The following ASH2L variants were observed in gnomAD, a reference collection of about 807,000 sequenced individuals.
ASH2L encodes set1/Ash2 histone methyltransferase complex subunit ASH2.
In ASH2L, 30 loss-of-function variants were observed where a neutral mutation model predicts 81.1. That is an observed-to-expected ratio of 0.37 (90% CI 0.28 to 0.50). The LOEUF (loss-of-function observed/expected upper bound fraction) is 0.50. Ranked by LOEUF, ASH2L falls within the 20% of genes least tolerant of loss-of-function variation. The pLI, the probability that ASH2L is intolerant of heterozygous loss-of-function variation, is 0.95. For missense variants in ASH2L, 559 were observed against 792.1 expected (o/e 0.71, Z 3.53); for synonymous variants, 273 against 279.9 (o/e 0.98, Z 0.24).
At chr8:38,108,917 G>A (rs1210334788) in intron 3 of ASH2L, among the ~76,000 whole-genome samples, 5 of 152,016 alleles carry the variant, frequency 3.3e-5, no homozygotes, top group Non-Finnish European at 7.4e-5. Context: ...CTGTCTCTAC[G>A]AGAAATAGAA....
intron 10 of ASH2L, 130 bp downstream of exon 10, chr8:38,121,279 C>A: frequency 1.6e-6 from 1 of 644,882 alleles, no homozygotes; most frequent in Non-Finnish European, 2.5e-6. Flanking sequence ...TGTCTAGATT[C>A]ATCCAGAATG....
At chr8:38,116,822 A>G in intron 8 of ASH2L, 97 bp downstream of exon 8, 1 of 992,286 alleles carries the variant, frequency 1.0e-6, no homozygotes, top group Admixed American at 2.6e-5. Flanking sequence ...CTTAACCTGG[A>G]TACTTACTAA....
intron 12 of ASH2L, among the ~76,000 whole-genome samples, chr8:38,130,865 C>T (rs547526199): frequency 6.6e-6 from 1 of 152,338 alleles, no homozygotes; most frequent in East Asian, 1.9e-4. Flanking sequence ...CAGGCATGAG[C>T]CACTGTGCCC....
Position 38,114,173 on chromosome 8 carries a change from A to T in ASH2L, c.586-19A>T. 7.0e-7 allele frequency: 1 copy of T among 1,421,284 alleles called. No homozygotes were observed. Among genetic ancestry groups the T allele is most frequent in the Non-Finnish European group, 9.7e-7 (1 of 1,031,402 alleles). The allele number at this position is 1,421,284 out of a possible 1,614,324, so 88.0% of individuals were successfully genotyped here. ...CTTTGATTGCAGCAGTAATAGTCTT[A>T]ATTTATTTTGAAAATTAGGATATTA... On this transcript the variant is annotated intron_variant, in intron 5 of 15. Transcript: ENST00000343823.
intron 8 of ASH2L, chr8:38,117,484 T>C (rs1810954382): frequency 1.0e-6 from 1 of 985,110 alleles, no homozygotes; most frequent in Non-Finnish European, 1.2e-6. Flanking sequence ...ATTCCTCCAC[T>C]GTCTTCTTTC....
Position 38,106,456 on chromosome 8 carries a change from T to G in ASH2L, c.255+12T>G, listed in dbSNP as rs761790865. 1.9e-6 allele frequency: 3 copies of G among 1,608,440 alleles called. No homozygotes were observed. The African/African-American group carries it at 4.0e-5, about 22-fold the overall frequency. On this transcript the variant is annotated intron_variant, in intron 2 of 15. Coordinates refer to ENST00000343823, the MANE Select transcript of ASH2L (RefSeq NM_004674.5). ...GAAAAGATACACTAGTAAGTATTTT[T>G]AGTTGTTTGCAAGACAAAATAGGGT...
intron 5 of ASH2L, among the ~76,000 whole-genome samples, chr8:38,113,129 TG>T (rs1810753852): frequency 6.6e-6 from 1 of 152,070 alleles, no homozygotes; most frequent in African/African-American, 2.4e-5. Flanking sequence ...CCACCATGCC[TG>T]GCTGATTTTT....
At chr8:38,107,289 C>A in intron 3 of ASH2L, 123 bp downstream of exon 3, 1 of 1,236,980 alleles carries the variant, frequency 8.1e-7, no homozygotes, top group Non-Finnish European at 1.2e-6. Flanking sequence ...CCCTATTCAG[C>A]AAGTAGGATG....
At chr8:38,113,203 C>T (rs1315813838) in intron 5 of ASH2L, among the ~76,000 whole-genome samples, 1 of 152,056 alleles carries the variant, frequency 6.6e-6, no homozygotes, top group Non-Finnish European at 1.5e-5. Flanking sequence ...CTTCTGACCT[C>T]AAGTGATCCA....
chr8:38,139,962 T>C lies in ASH2L; in HGVS notation c.*891T>C, dbSNP rs1371784396. On this transcript the variant is annotated 3_prime_UTR_variant, in exon 16 of 16. Coordinates refer to ENST00000343823, the MANE Select transcript of ASH2L (RefSeq NM_004674.5). ...TCTTCCCTTGGAACATGGATGTTGA[T>C]ATATGTGCGGGTGGTTTCCTGTCTT... 1 of 152,228 alleles carries C rather than the reference T, an allele frequency of 6.6e-6. No individual in the cohort carries two copies. The highest frequency in any genetic ancestry group is 1.5e-5 in the Non-Finnish European group (1 of 68,094). 9.4% of individuals were successfully genotyped at this position (152,228 alleles called of 1,614,324 possible). A position where few individuals can be genotyped will look rare whatever the true frequency, so the allele number is the denominator to read the frequency against.
chr8:38,132,551 C>T (rs1342760210), intron 12 of ASH2L, among the ~76,000 whole-genome samples: 2 of 152,194 alleles, frequency 1.3e-5, no homozygotes, highest in Admixed American at 6.5e-5. Context: ...GTAATCCCAG[C>T]ACTTTGGGAG....
chr8:38,135,733 C>T lies in ASH2L; in HGVS notation c.1686C>T (p.Tyr562=), dbSNP rs773330271. Residue 562 remains tyrosine (Y), a synonymous_variant, in exon 14 of 16, where the codon TAC becomes TAT. Transcript: ENST00000343823. ...ACAAAGATATTTTTGAGGGGGTTTACTTCCCAGCCATCTCACTGTACAAGA... is the reference window on the plus strand; with the variant it reads ...ACAAAGATATTTTTGAGGGGGTTTATTTCCCAGCCATCTCACTGTACAAGA... ...VAYKDIFEGV[Y]FPAISLYKSC... is the part of the protein sequence containing the mutation. 1.5e-5 allele frequency: 25 copies of T among 1,613,038 alleles called. No individual in the cohort carries two copies. The highest frequency in any genetic ancestry group is 2.1e-5 in the Non-Finnish European group (25 of 1,179,574).
chr8:38,116,472 G>T (rs956296578), intron 7 of ASH2L, among the ~76,000 whole-genome samples, 178 bp from the exon 8 acceptor site: 1 of 152,150 alleles, frequency 6.6e-6, no homozygotes, highest in Non-Finnish European at 1.5e-5. Context: ...GGCAGAAGTT[G>T]CAGTAAGCCG....
chr8:38,106,323 G>A, intron 1 of ASH2L, 55 bp from the exon 2 acceptor site: 2 of 1,535,808 alleles, frequency 1.3e-6, no homozygotes, highest in Non-Finnish European at 1.8e-6. Context: ...TTGGGAATAG[G>A]CATTTTGAGG....
chr8:38,109,005 C>T (rs1810572707), intron 3 of ASH2L, among the ~76,000 whole-genome samples: 1 of 151,868 alleles, frequency 6.6e-6, no homozygotes, highest in Non-Finnish European at 1.5e-5. Flanking sequence ...TTGCTTAAGC[C>T]CTGCAGGTTG....
chr8:38,116,480 C>T (rs927433091), intron 7 of ASH2L, among the ~76,000 whole-genome samples, 170 bp from the exon 8 acceptor site: 8 of 152,150 alleles, frequency 5.3e-5, no homozygotes, highest in Non-Finnish European at 1.2e-4. Context: ...TTGCAGTAAG[C>T]CGAGATCGCG....
intron 10 of ASH2L, among the ~76,000 whole-genome samples, chr8:38,127,163 A>AG (rs1585596058): frequency 1.2e-4 from 1 of 8,672 alleles, no homozygotes; most frequent in Non-Finnish European, 2.5e-4. Flanking sequence ...CCTTATCTCA[A>AG]GGAAAAAAAA....
chr8:38,117,308 C>T (rs898304076), intron 8 of ASH2L: 6 of 305,638 alleles, frequency 2.0e-5, no homozygotes, highest in South Asian at 1.3e-4. Flanking sequence ...GGAGTGGTCG[C>T]GTCTTAAATA....
At chr8:38,112,165 T>C (rs1327955902) in intron 5 of ASH2L, among the ~76,000 whole-genome samples, 1 of 152,062 alleles carries the variant, frequency 6.6e-6, no homozygotes, top group Admixed American at 6.6e-5. Flanking sequence ...TGCTACCACA[T>C]CCAGCTAACT....
Sources: gnomAD v4.1 joint callset for allele counts (sites outside exome capture counted in the v4.1 genomes callset) on GRCh38, gnomAD v4.1.1 for gene constraint, MANE v1.5 for transcripts, NCBI Gene and HGNC (gene_info 2026-07-23, HGNC 2026-07-21) for gene names.